ZFP1: variants seen among roughly 807,000 people sequenced by gnomAD.
The protein encoded by ZFP1 is ZFP1 zinc finger protein, also known as zinc finger protein 1 homolog.
Under a neutral mutation model 38.5 loss-of-function variants are expected in ZFP1, and 32 were observed. The ratio of observed to expected loss-of-function variants is 0.83; its 90% CI spans 0.63 to 1.12. ZFP1 has a LOEUF of 1.12. Among genes scored for constraint, ZFP1 ranks in the 50% most tolerant of loss-of-function variants. ZFP1 has a pLI of 0.00. For synonymous variants in ZFP1, 245 were observed against 168.8 expected, an observed-to-expected ratio of 1.45 and a Z score of -3.50; for missense variants, 616 against 480.8, an observed-to-expected ratio of 1.28 and a Z score of -2.63.
At position 75,170,092 on chromosome 16, in the gene ZFP1, G is replaced by A; in HGVS notation, c.982G>A (p.Glu328Lys). 3 of 1,614,088 alleles carry A rather than the reference G, an allele frequency of 1.9e-6. No individual in the cohort carries two copies. The South Asian group carries it at 3.3e-5, about 18-fold the overall frequency. The change falls in exon 4 of 4, where the codon GAA becomes AAA. Residue 328 changes from glutamate (E) to lysine (K), a missense_variant. Coordinates refer to ENST00000570010, the MANE Select transcript of ZFP1 (RefSeq NM_153688.4). Reference protein sequence around the residue: ...HTGEKRYECSECGKSFIQNSQ... With the variant: ...HTGEKRYECSKCGKSFIQNSQ... ...GGGGGAGAAACGCTATGAGTGCAGT[G>A]AATGTGGAAAATCCTTTATCCAGAA... is the stretch of plus-strand genomic sequence containing the variant.
the ZFP1 span, among the ~76,000 whole-genome samples, chr16:75,123,464 TATA>T: frequency 2.1e-5 from 1 of 47,208 alleles, no homozygotes; most frequent in Admixed American, 1.9e-4. Flanking sequence ...TGTATATATA[TATA>T]TATATATATA....
At chr16:75,135,301 A>C in the ZFP1 span, among the ~76,000 whole-genome samples, 1 of 121,990 alleles carries the variant, frequency 8.2e-6, no homozygotes, top group African/African-American at 3.2e-5. Flanking sequence ...AATTCTAAAA[A>C]TGAGCTATCA....
intron 2 of ZFP1, among the ~76,000 whole-genome samples, chr16:75,158,444 G>T (rs1223339774): frequency 1.3e-5 from 2 of 151,728 alleles, no homozygotes; most frequent in African/African-American, 4.8e-5. Context: ...GCAGCCTCAA[G>T]CAGTTCTCCC....
intron 2 of ZFP1, among the ~76,000 whole-genome samples, chr16:75,161,589 C>A (rs1045350714): frequency 2.0e-5 from 3 of 150,590 alleles, no homozygotes; most frequent in African/African-American, 7.3e-5. Flanking sequence ...GGTCTGAAGG[C>A]TTTCAGTCTT....
In ZFP1 at chr16:75,151,472, A is replaced by G. The variant is rs375281411; in HGVS notation, c.-43-1437A>G. ...TTAAGTGGGTCTTTTTTATAATTACATTTTATCTCCACTGTTGTCTTATTG... is the reference window on the plus strand; with the variant it reads ...TTAAGTGGGTCTTTTTTATAATTACGTTTTATCTCCACTGTTGTCTTATTG... On this transcript the variant is annotated intron_variant, in intron 1 of 3. Transcript: ENST00000570010. Among the ~76,000 whole-genome samples the G allele has an allele frequency of 4.4e-4, 67 of 151,608 alleles. 1 individual carries two copies. Among genetic ancestry groups the G allele is most frequent in the African/African-American group, 1.6e-3 (65 of 41,290 alleles).
At chr16:75,135,202 CTT>C in the ZFP1 span, among the ~76,000 whole-genome samples, 1 of 7,268 alleles carries the variant, frequency 1.4e-4, no homozygotes, top group South Asian at 3.3e-3. Context: ...AGAGTGAGAC[CTT>C]ATCTCAAAAA....
At chr16:75,119,256 T>C in the ZFP1 span, among the ~76,000 whole-genome samples, 1 of 152,304 alleles carries the variant, frequency 6.6e-6, no homozygotes, top group East Asian at 1.9e-4. Flanking sequence ...GACAAAGCTA[T>C]CAGTGCTTGG....
chr16:75,136,239 G>A, the ZFP1 span, among the ~76,000 whole-genome samples: 1 of 152,174 alleles, frequency 6.6e-6, no homozygotes, highest in African/African-American at 2.4e-5. Flanking sequence ...AAGAGGGTTG[G>A]GGAAAAAGGC....
chr16:75,147,209 T>C (rs1044580172), upstream of ZFP1, among the ~76,000 whole-genome samples: 2 of 152,148 alleles, frequency 1.3e-5, no homozygotes, highest in Non-Finnish European at 2.9e-5. Flanking sequence ...GTTACAGGCA[T>C]TTGTCAAGAC....
the ZFP1 span, among the ~76,000 whole-genome samples, chr16:75,119,803 A>G: frequency 2.0e-5 from 3 of 152,222 alleles, no homozygotes; most frequent in Admixed American, 2.0e-4. Context: ...ATACAAAGGA[A>G]GTCCCAAATT....
chr16:75,123,907 C>T, the ZFP1 span, among the ~76,000 whole-genome samples: 26 of 147,316 alleles, frequency 1.8e-4, no homozygotes, highest in African/African-American at 3.8e-4. Flanking sequence ...CTGGCCGACA[C>T]GGTGAAACCC....
chr16:75,155,826 CTG>C (rs1237177143), intron 2 of ZFP1, among the ~76,000 whole-genome samples: 1 of 152,112 alleles, frequency 6.6e-6, no homozygotes, highest in Admixed American at 6.5e-5. Context: ...TAAACTATAA[CTG>C]GGATTAATAT....
chr16:75,161,757 A>AATATATATATGTATATATATATATATAT (rs1421384309), intron 2 of ZFP1, among the ~76,000 whole-genome samples: 1 of 14,302 alleles, frequency 7.0e-5, no homozygotes, highest in African/African-American at 2.7e-4. Flanking sequence ...AGTTTTATGA[A>AATATATATATGTATATATATATATATAT]ATATATATAT....
chr16:75,163,118 A>G (rs2037870264), intron 2 of ZFP1, among the ~76,000 whole-genome samples: 1 of 151,672 alleles, frequency 6.6e-6, no homozygotes, highest in Admixed American at 6.6e-5. Context: ...CATGTTGGCC[A>G]GGTTGGTCTC....
chr16:75,135,459 G>A, the ZFP1 span, among the ~76,000 whole-genome samples: 1 of 152,048 alleles, frequency 6.6e-6, no homozygotes, highest in Non-Finnish European at 1.5e-5. Flanking sequence ...AAAACCATAG[G>A]GACAGTAAAA....
At chr16:75,139,386 A>AAC in the ZFP1 span, among the ~76,000 whole-genome samples, 1 of 147,616 alleles carries the variant, frequency 6.8e-6, no homozygotes, top group Admixed American at 6.7e-5. Flanking sequence ...AAAAAAAAAA[A>AAC]AAAAAAAAAA....
upstream of ZFP1, among the ~76,000 whole-genome samples, chr16:75,145,042 G>A (rs936720238): frequency 6.6e-5 from 10 of 152,268 alleles, no homozygotes; most frequent in South Asian, 2.1e-4. Flanking sequence ...ACGTTGTAGC[G>A]TGTACCAGAA....
intron 1 of ZFP1, among the ~76,000 whole-genome samples, chr16:75,149,952 T>G (rs951647419): frequency 6.6e-6 from 1 of 151,428 alleles, no homozygotes; most frequent in Admixed American, 6.6e-5. Context: ...ACCTGGCTGA[T>G]TTTTGTATTT....
the ZFP1 span, among the ~76,000 whole-genome samples, chr16:75,137,222 G>A: frequency 3.9e-5 from 6 of 152,102 alleles, no homozygotes; most frequent in Admixed American, 3.9e-4. Flanking sequence ...GAACTCCTAA[G>A]GGCCAAAGCT....
Sources: gnomAD v4.1 joint callset for allele counts (sites outside exome capture counted in the v4.1 genomes callset) on GRCh38, gnomAD v4.1.1 for gene constraint, MANE v1.5 for transcripts, NCBI Gene and HGNC (gene_info 2026-07-23, HGNC 2026-07-21) for gene names.